The following PIEZO2 variants were observed in gnomAD, a reference collection of about 807,000 sequenced individuals.
PIEZO2 encodes the protein piezo type mechanosensitive ion channel component 2, also known as piezo-type mechanosensitive ion channel component 2.
PIEZO2 carries 172 observed loss-of-function variants against 337.3 expected under a neutral mutation model. That is an observed-to-expected ratio of 0.51 (90% CI 0.45 to 0.58). The LOEUF is 0.58. Among genes scored for constraint, PIEZO2 ranks in the 20% least tolerant of loss-of-function variants. The probability of loss-of-function intolerance (pLI) is 0.00; values close to 1 mark genes in which losing one functional copy is unlikely to be tolerated. For missense variants in PIEZO2, 3,028 were observed against 3,391.3 expected (o/e 0.89, Z 2.66); for synonymous variants, 1,251 against 1,228.5 (o/e 1.02, Z -0.38).
Position 10,766,095 on chromosome 18 carries a change from T to C in PIEZO2, c.2947-2997A>G, listed in dbSNP as rs748677870. Among the ~76,000 whole-genome samples, 3 of 152,092 alleles carry C rather than the reference T, an allele frequency of 2.0e-5. No individual in the cohort carries two copies. The highest frequency in any genetic ancestry group is 2.9e-5 in the Non-Finnish European group (2 of 68,034). ...GAATGAAGTATGATACTTCATTCCA[T>C]ACAAATATCAAGCCCAGTGCAAACC... On this transcript the variant is annotated intron_variant, in intron 21 of 55. Transcript: ENST00000674853. The surrounding 1 kb of genome is among the most constrained non-coding windows in gnomAD (Gnocchi z 6.1).
rs1046241631 is a variant in PIEZO2, at chr18:11,002,983, G to A, written c.161-23323C>T. On this transcript the variant is annotated intron_variant, in intron 2 of 55. Coordinates refer to ENST00000674853, the MANE Select transcript of PIEZO2 (RefSeq NM_001378183.1). The surrounding 1 kb of genome is among the most constrained non-coding windows in gnomAD (Gnocchi z 4.3). ...AAACAGAGGAAGTGAGGCAAGAGGCGCTCCTGCTACCAGAGGCTTCCTCCT... is the reference window on the plus strand; with the variant it reads ...AAACAGAGGAAGTGAGGCAAGAGGCACTCCTGCTACCAGAGGCTTCCTCCT... 7.2e-6 allele frequency among the ~76,000 whole-genome samples: 1 copy of A among 139,624 alleles called. No individual in the cohort carries two copies. The highest frequency in any genetic ancestry group is 6.8e-5 in the Admixed American group (1 of 14,606). The allele number at this position is 139,624 out of a possible 152,430, so 91.6% of individuals were successfully genotyped here.
At position 11,116,559 on chromosome 18, in the gene PIEZO2, T is replaced by A. The variant is rs2039893106; in HGVS notation, c.64+31966A>T. On this transcript the variant is annotated intron_variant, in intron 1 of 55. Coordinates refer to ENST00000674853, the MANE Select transcript of PIEZO2 (RefSeq NM_001378183.1). This position sits in a 1 kb window ranked among gnomAD's most constrained non-coding sequence, Gnocchi z 5.0. ...AAACCCCGTCTCTACTAAAAAAAAT[T>A]AAAAAATTAGCCGGGCGTGGTGGCG... 6.6e-6 allele frequency among the ~76,000 whole-genome samples: 1 copy of A among 150,918 alleles called. No individual in the cohort carries two copies. The highest frequency in any genetic ancestry group is 1.5e-5 in the Non-Finnish European group (1 of 67,760).
rs1276898874 is a variant in PIEZO2 at position 11,080,759 on chromosome 18, G to A, written c.65-14537C>T. Among the ~76,000 whole-genome samples the A allele has an allele frequency of 6.6e-6, 1 of 152,178 alleles. No homozygotes were observed. Among genetic ancestry groups the A allele is most frequent in the African/African-American group, 2.4e-5 (1 of 41,440 alleles). Reference sequence around the variant, plus strand: ...CTTGAGAGGCTGAGGCAGGAGAATCGCTTGAACTCGGGAGGCGGAGGTCAC... The same window carrying A: ...CTTGAGAGGCTGAGGCAGGAGAATCACTTGAACTCGGGAGGCGGAGGTCAC... On this transcript the variant is annotated intron_variant, in intron 1 of 55. Transcript: ENST00000674853. The surrounding 1 kb of genome is among the most constrained non-coding windows in gnomAD (Gnocchi z 5.4).
At position 10,677,777 on chromosome 18, in the gene PIEZO2, C is replaced by A; in HGVS notation, c.8051G>T (p.Gly2684Val). 2 of 1,610,876 alleles carry A rather than the reference C, an allele frequency of 1.2e-6. No homozygotes were observed. The highest frequency in any genetic ancestry group is 1.7e-6 in the Non-Finnish European group (2 of 1,179,312). ...TGTTTTTGAACTTTCTGTGCTGTTG[C>A]CTGCTATCATTTTAGCGATATTCTT... Reference protein sequence around the residue: ...TRKNIAKMIAGNSTESSKTPV... With the variant: ...TRKNIAKMIAVNSTESSKTPV... The change falls in exon 53 of 56, where the codon GGC becomes GTC. Residue 2684 changes from glycine (G) to valine (V), a missense_variant. Gly to Val is a moderately radical substitution (Grantham distance 109). This residue lies in a region of PIEZO2 where 332 missense variants were observed against 363.8 expected (regional missense o/e 0.91). Coordinates refer to ENST00000674853, the MANE Select transcript of PIEZO2 (RefSeq NM_001378183.1). The surrounding 1 kb of genome is among the most constrained non-coding windows in gnomAD (Gnocchi z 4.1).
intron 2 of PIEZO2, among the ~76,000 whole-genome samples, chr18:10,983,477 C>T (rs953097676): frequency 8.5e-5 from 13 of 152,122 alleles, no homozygotes; most frequent in East Asian, 1.9e-4. Flanking sequence ...CTAATTTTTG[C>T]GGTCTTGTGA....
intron 21 of PIEZO2, among the ~76,000 whole-genome samples, chr18:10,765,679 G>C (rs2038321889): frequency 6.6e-6 from 1 of 152,196 alleles, no homozygotes; most frequent in South Asian, 2.1e-4. Flanking sequence ...GGAAACAGGG[G>C]CCTGGAGTTC....
At chr18:10,920,071 TCCC>T (rs1022384562) in intron 3 of PIEZO2, among the ~76,000 whole-genome samples, 18 of 152,252 alleles carry the variant, frequency 1.2e-4, no homozygotes, top group African/African-American at 3.9e-4. Context: ...CCCACAGTGT[TCCC>T]CCTAATTCAG....
At chr18:11,040,599 T>C (rs1407269147) in intron 2 of PIEZO2, among the ~76,000 whole-genome samples, 1 of 152,198 alleles carries the variant, frequency 6.6e-6, no homozygotes, top group East Asian at 1.9e-4. Context: ...ATATAGAAAA[T>C]ACATATTCTA....
intron 33 of PIEZO2, 113 bp from the exon 34 acceptor site, chr18:10,736,823 G>A (rs2037016123): frequency 1.7e-5 from 20 of 1,188,020 alleles, no homozygotes; most frequent in Non-Finnish European, 2.2e-5. Context: ...GAACCACAAC[G>A]AAAGATGTTG....
Position 10,819,450 on chromosome 18 carries a change from T to A in PIEZO2, c.918-12176A>T, listed in dbSNP as rs2040457778. ...AAGAATAATGCTGAAGATATAAGCA[T>A]ACCAATGTATTCCAAAGACTCAGCT... On this transcript the variant is annotated intron_variant, in intron 7 of 55. Transcript: ENST00000674853. The surrounding 1 kb of genome is among the most constrained non-coding windows in gnomAD (Gnocchi z 4.3). Among the ~76,000 whole-genome samples the A allele has an allele frequency of 6.6e-6, 1 of 152,220 alleles. No homozygotes were observed. Among genetic ancestry groups the A allele is most frequent in the Non-Finnish European group, 1.5e-5 (1 of 68,030 alleles).
chr18:10,857,601 A>G (rs887864153), intron 5 of PIEZO2, among the ~76,000 whole-genome samples: 1 of 152,236 alleles, frequency 6.6e-6, no homozygotes, highest in Non-Finnish European at 1.5e-5. Flanking sequence ...AAAACTATCC[A>G]CAGCTTCGAC....
At chr18:11,100,837 C>A (rs180689943) in intron 1 of PIEZO2, among the ~76,000 whole-genome samples, 1 of 152,160 alleles carries the variant, frequency 6.6e-6, no homozygotes, top group Non-Finnish European at 1.5e-5. Context: ...CCTCGTGATC[C>A]GCCCACCTTG....
chr18:10,780,248 T>C (rs983419470), intron 18 of PIEZO2, 77 bp downstream of exon 18: 1 of 698,514 alleles, frequency 1.4e-6, no homozygotes, highest in Non-Finnish European at 2.6e-6. Context: ...GATTTTCATG[T>C]ATAAAGCAGT....
chr18:10,696,602 G>T, intron 45 of PIEZO2, 63 bp from the exon 46 acceptor site: 1 of 1,567,648 alleles, frequency 6.4e-7, no homozygotes, highest in South Asian at 1.1e-5. Flanking sequence ...TGGCAGAAAT[G>T]ACCAGACACT....
At chr18:10,818,106 T>G (rs932470943) in intron 7 of PIEZO2, among the ~76,000 whole-genome samples, 8 of 152,102 alleles carry the variant, frequency 5.3e-5, no homozygotes, top group Non-Finnish European at 8.8e-5. Context: ...CTAAATAGAT[T>G]CTGGAACATC....
chr18:11,141,934 C>T (rs1222942620), intron 1 of PIEZO2, among the ~76,000 whole-genome samples: 2 of 152,210 alleles, frequency 1.3e-5, no homozygotes, highest in East Asian at 3.9e-4. Flanking sequence ...GAACTAACCT[C>T]ATAGATAGAC....
In PIEZO2 at chr18:10,952,507, A is replaced by G. The variant is rs2033339743; in HGVS notation, c.286+27028T>C. On this transcript the variant is annotated intron_variant, in intron 3 of 55. Coordinates refer to ENST00000674853, the MANE Select transcript of PIEZO2 (RefSeq NM_001378183.1). This position sits in a 1 kb window ranked among gnomAD's most constrained non-coding sequence, Gnocchi z 4.1. ...ATACTGTCTGAATTCACTTAACATA[A>G]TGCTGAATTGAGATGCTCTTGCATG... Among the ~76,000 whole-genome samples, 1 of 152,310 alleles carries G rather than the reference A, an allele frequency of 6.6e-6. No individual in the cohort carries two copies. The highest frequency in any genetic ancestry group is 2.4e-5 in the African/African-American group (1 of 41,562).
rs1190381642 is a variant in PIEZO2, at chr18:11,032,378, T to C, written c.160+33749A>G. ...TTCCGTGTCTGCAGACAGAAGGTAA[T>C]GGCATCTCTCCATTATATCCTTACT... is the stretch of plus-strand genomic sequence containing the variant. On this transcript the variant is annotated intron_variant, in intron 2 of 55. Coordinates refer to ENST00000674853, the MANE Select transcript of PIEZO2 (RefSeq NM_001378183.1). The surrounding 1 kb of genome is among the most constrained non-coding windows in gnomAD (Gnocchi z 4.9). 1.3e-5 allele frequency among the ~76,000 whole-genome samples: 2 copies of C among 152,204 alleles called. No homozygotes were observed. Among genetic ancestry groups the C allele is most frequent in the Non-Finnish European group, 2.9e-5 (2 of 68,028 alleles).
chr18:10,936,558 C>T (rs1487544123), intron 3 of PIEZO2, among the ~76,000 whole-genome samples: 1 of 152,056 alleles, frequency 6.6e-6, no homozygotes, highest in Admixed American at 6.6e-5. Context: ...TGCTGATGTG[C>T]TAGTTGGCTA....
Sources: gnomAD v4.1 joint callset for allele counts (sites outside exome capture counted in the v4.1 genomes callset) on GRCh38, gnomAD v4.1.1 for gene constraint, gnomAD v4.1.1 regional missense constraint, Gnocchi (gnomAD v3.1) non-coding constraint, MANE v1.5 for transcripts, NCBI Gene and HGNC (gene_info 2026-07-23, HGNC 2026-07-21) for gene names.